The following HIKESHI variants were observed in gnomAD, a reference collection of about 807,000 sequenced individuals.
HIKESHI encodes protein Hikeshi.
HIKESHI carries 13 observed loss-of-function variants against 25.7 expected under a neutral mutation model. The ratio of observed to expected loss-of-function variants is 0.51; its 90% CI spans 0.33 to 0.80. HIKESHI has a LOEUF of 0.80. Ranked by LOEUF, HIKESHI falls within the 30% of genes least tolerant of loss-of-function variation. The pLI is 0.02. For missense variants in HIKESHI, 174 were observed against 229.5 expected, an observed-to-expected ratio of 0.76 and a Z score of 1.56; for synonymous variants, 76 against 78.7, an observed-to-expected ratio of 0.97 and a Z score of 0.18.
chr11:86,344,817 T>G, intron 4 of HIKESHI, 96 bp downstream of exon 4: 1 of 879,584 alleles, frequency 1.1e-6, no homozygotes, highest in Non-Finnish European at 1.9e-6. Flanking sequence ...TTAAACATAT[T>G]CTTTTATTGT....
intron 2 of HIKESHI, among the ~76,000 whole-genome samples, chr11:86,322,238 C>T (rs1162874010): frequency 6.6e-6 from 1 of 152,186 alleles, no homozygotes; most frequent in Non-Finnish European, 1.5e-5. Context: ...ACACCCACCT[C>T]AGCCTCCCAG....
Position 86,345,733 on chromosome 11 carries a change from C to A in HIKESHI, c.*95C>A. On this transcript the variant is annotated 3_prime_UTR_variant, in exon 5 of 5. Coordinates refer to ENST00000278483, the MANE Select transcript of HIKESHI (RefSeq NM_016401.4). ...AGTATGAGGTCAAAGGATCACGAAA[C>A]CTAAGTTTAAAAACTGCTTAGAGAC... 1 of 630,788 alleles carries A rather than the reference C, an allele frequency of 1.6e-6. No individual in the cohort carries two copies. Among genetic ancestry groups the A allele is most frequent in the Non-Finnish European group, 2.6e-6 (1 of 384,850 alleles). 39.1% of individuals were successfully genotyped at this position (630,788 alleles called of 1,614,324 possible). A position where few individuals can be genotyped will look rare whatever the true frequency, so the allele number is the denominator to read the frequency against.
chr11:86,325,791 GA>G (rs1343257110), intron 2 of HIKESHI, among the ~76,000 whole-genome samples: 1 of 151,956 alleles, frequency 6.6e-6, no homozygotes, highest in Non-Finnish European at 1.5e-5. Flanking sequence ...AGAATGGCTT[GA>G]ACCCGGGAGG....
At chr11:86,308,655 G>C (rs773840763) in intron 2 of HIKESHI, among the ~76,000 whole-genome samples, 1 of 151,070 alleles carries the variant, frequency 6.6e-6, no homozygotes, top group African/African-American at 2.4e-5. Flanking sequence ...GTGCCATTTT[G>C]GTGTGCTGCA....
At chr11:86,303,104 A>T (rs1258909217) in intron 1 of HIKESHI, among the ~76,000 whole-genome samples, 1 of 152,190 alleles carries the variant, frequency 6.6e-6, no homozygotes, top group Non-Finnish European at 1.5e-5. Context: ...GTCAAAATAG[A>T]TAACTTACCT....
chr11:86,339,751 T>C (rs1947670638), intron 3 of HIKESHI, among the ~76,000 whole-genome samples: 1 of 152,132 alleles, frequency 6.6e-6, no homozygotes, highest in African/African-American at 2.4e-5. Context: ...GTCAAATAGT[T>C]TTTTTTTATT....
At chr11:86,331,700 T>G (rs1212425903) in intron 2 of HIKESHI, among the ~76,000 whole-genome samples, 5 of 152,192 alleles carry the variant, frequency 3.3e-5, no homozygotes, top group Admixed American at 2.0e-4. Flanking sequence ...ATCAGATAAA[T>G]TATATTTTTA....
chr11:86,344,860 A>G, intron 4 of HIKESHI, 139 bp downstream of exon 4: 4 of 593,268 alleles, frequency 6.7e-6, no homozygotes, highest in Non-Finnish European at 1.2e-5. Context: ...TAAAGTATGT[A>G]CTATAGAGAT....
chr11:86,343,129 G>C (rs934101443), intron 3 of HIKESHI, among the ~76,000 whole-genome samples: 1 of 151,918 alleles, frequency 6.6e-6, no homozygotes. Context: ...AGGTCCTTTT[G>C]TTTTCTTTTC....
At chr11:86,303,943 G>A (rs975011766) in intron 1 of HIKESHI, among the ~76,000 whole-genome samples, 5 of 152,148 alleles carry the variant, frequency 3.3e-5, no homozygotes, top group Admixed American at 6.6e-5. Context: ...TTGCCTGGTG[G>A]TTATTTCAAG....
chr11:86,330,489 T>G (rs1947394568), intron 2 of HIKESHI, among the ~76,000 whole-genome samples: 1 of 152,216 alleles, frequency 6.6e-6, no homozygotes, highest in Non-Finnish European at 1.5e-5. Flanking sequence ...CTCTGCATAT[T>G]TTCTTCAAAG....
chr11:86,306,136 T>C (rs1946616720), intron 1 of HIKESHI, 109 bp from the exon 2 acceptor site: 3 of 721,492 alleles, frequency 4.2e-6, no homozygotes, highest in South Asian at 1.9e-5. Context: ...TTCTATTTGG[T>C]AGAAAGACTA....
At chr11:86,305,969 C>T (rs1946612308) in intron 1 of HIKESHI, among the ~76,000 whole-genome samples, 1 of 152,170 alleles carries the variant, frequency 6.6e-6, no homozygotes, top group Non-Finnish European at 1.5e-5. Flanking sequence ...TCTTGAACTC[C>T]TGATCTCAGG....
chr11:86,339,918 C>T (rs1040246871), intron 3 of HIKESHI, among the ~76,000 whole-genome samples: 13 of 151,228 alleles, frequency 8.6e-5, no homozygotes, highest in African/African-American at 2.4e-4. Flanking sequence ...AAGACAGACC[C>T]GCCCGCCGTG....
chr11:86,331,932 A>ACAT (rs1315872724), intron 2 of HIKESHI, among the ~76,000 whole-genome samples: 1 of 151,402 alleles, frequency 6.6e-6, no homozygotes, highest in East Asian at 1.9e-4. Context: ...ATCATAGTGA[A>ACAT]ATGCTACTGC....
chr11:86,323,363 T>C (rs917158542), intron 2 of HIKESHI, among the ~76,000 whole-genome samples: 1 of 152,158 alleles, frequency 6.6e-6, no homozygotes, highest in African/African-American at 2.4e-5. Context: ...AAAGATTCAG[T>C]TGGAAAACAT....
intron 2 of HIKESHI, among the ~76,000 whole-genome samples, chr11:86,330,114 A>G (rs982497462): frequency 4.0e-5 from 6 of 151,888 alleles, no homozygotes; most frequent in African/African-American, 1.2e-4. Context: ...TTCTTTCACT[A>G]TATACCTTTG....
chr11:86,343,351 T>C (rs972275233), intron 3 of HIKESHI, among the ~76,000 whole-genome samples: 3 of 152,052 alleles, frequency 2.0e-5, no homozygotes, highest in Non-Finnish European at 4.4e-5. Flanking sequence ...GTTGTGACTT[T>C]AGTCTGGGTA....
intron 3 of HIKESHI, among the ~76,000 whole-genome samples, chr11:86,342,498 T>C (rs1947759474): frequency 1.6e-5 from 1 of 62,082 alleles, no homozygotes; most frequent in Admixed American, 1.4e-4. Context: ...TGTGTGTGTG[T>C]GTGTGTGTGT....
Sources: allele counts gnomAD v4.1 joint callset (sites outside exome capture counted in the v4.1 genomes callset), GRCh38; gene constraint gnomAD v4.1.1; transcripts MANE v1.5; gene names NCBI Gene and HGNC (gene_info 2026-07-23, HGNC 2026-07-21).